CDK6: variants seen among roughly 807,000 people sequenced by gnomAD.
CDK6 encodes cyclin dependent kinase 6, also known as cyclin-dependent kinase 6.
Under a neutral mutation model 37.1 loss-of-function variants are expected in CDK6, and 6 were observed. The ratio of observed to expected loss-of-function variants is 0.16; its 90% CI spans 0.09 to 0.32. CDK6 has a LOEUF of 0.32. Ranked by LOEUF, CDK6 falls within the 10% of genes least tolerant of loss-of-function variation. CDK6 has a pLI of 1.00. For synonymous variants in CDK6, 160 were observed against 161.3 expected (o/e 0.99, Z 0.06); for missense variants, 224 against 418.9 (o/e 0.53, Z 4.06).
At chr7:92,677,491 C>T (rs1030640712) in intron 4 of CDK6, among the ~76,000 whole-genome samples, 4 of 151,974 alleles carry the variant, frequency 2.6e-5, no homozygotes, top group Non-Finnish European at 5.9e-5. Flanking sequence ...TGGTGGCACA[C>T]GCCTGTAATC....
intron 3 of CDK6, among the ~76,000 whole-genome samples, chr7:92,747,669 C>T (rs1256844721): frequency 6.6e-6 from 1 of 152,170 alleles, no homozygotes; most frequent in Non-Finnish European, 1.5e-5. Flanking sequence ...TTATTTTTCC[C>T]TCTTCTGAAT....
intron 2 of CDK6, among the ~76,000 whole-genome samples, chr7:92,830,762 T>C (rs77202287): frequency 2.0e-5 from 3 of 152,294 alleles, no homozygotes; most frequent in Non-Finnish European, 4.4e-5. Context: ...GGTGACATCA[T>C]CAATAATTTC....
intron 2 of CDK6, among the ~76,000 whole-genome samples, chr7:92,801,448 G>A (rs1383783797): frequency 6.6e-6 from 1 of 152,152 alleles, no homozygotes; most frequent in East Asian, 1.9e-4. Flanking sequence ...GAATTTTAAA[G>A]CTAGAGGTCA....
At chr7:92,638,886 G>A (rs1796237705) in intron 5 of CDK6, among the ~76,000 whole-genome samples, 1 of 152,138 alleles carries the variant, frequency 6.6e-6, no homozygotes, top group Non-Finnish European at 1.5e-5. Context: ...CCAGTTGACT[G>A]CAATTCACAT....
chr7:92,774,642 T>G lies in CDK6; in HGVS notation c.369+54A>C. 2.7e-6 allele frequency: 4 copies of G among 1,467,252 alleles called. 1 individual carries two copies. In the South Asian group the frequency reaches 5.7e-5, roughly 21 times the overall value. 90.9% of individuals were successfully genotyped at this position (1,467,252 alleles called of 1,614,324 possible). On this transcript the variant is annotated intron_variant, in intron 3 of 7. Coordinates refer to ENST00000424848, the MANE Select transcript of CDK6 (RefSeq NM_001145306.2). Reference sequence around the variant, plus strand: ...TTCATAAGGAAAGAAAGCCATTGCTTAACAGACTATAATAGTCGACTGCCT... The same window carrying G: ...TTCATAAGGAAAGAAAGCCATTGCTGAACAGACTATAATAGTCGACTGCCT...
chr7:92,809,629 G>A lies in CDK6; in HGVS notation c.233+23462C>T, dbSNP rs556940396. ...GACTGCTCTTACTTGAGAGGTAAGGGTATATTTATTTATAGTCCAGGGTCA... is the reference window on the plus strand; with the variant it reads ...GACTGCTCTTACTTGAGAGGTAAGGATATATTTATTTATAGTCCAGGGTCA... On this transcript the variant is annotated intron_variant, in intron 2 of 7. Coordinates refer to ENST00000424848, the MANE Select transcript of CDK6 (RefSeq NM_001145306.2). Among the ~76,000 whole-genome samples, 7 of 152,286 alleles carry A rather than the reference G, an allele frequency of 4.6e-5. No individual in the cohort carries two copies. The South Asian group carries it at 6.2e-4, about 14-fold the overall frequency.
intron 3 of CDK6, among the ~76,000 whole-genome samples, chr7:92,767,638 T>C (rs1410761043): frequency 1.3e-5 from 2 of 152,148 alleles, no homozygotes; most frequent in Non-Finnish European, 2.9e-5. Flanking sequence ...AGTGGTCAGC[T>C]GCTGGCACTG....
chr7:92,638,779 C>T (rs543710007), intron 5 of CDK6, among the ~76,000 whole-genome samples: 2 of 152,074 alleles, frequency 1.3e-5, no homozygotes, highest in African/African-American at 4.8e-5. Flanking sequence ...CTTTTGACCC[C>T]CCCAGAGTTA....
At chr7:92,645,745 TC>T (rs2116545679) in intron 5 of CDK6, among the ~76,000 whole-genome samples, 1 of 152,322 alleles carries the variant, frequency 6.6e-6, no homozygotes, top group East Asian at 1.9e-4. Flanking sequence ...GGCTCTCACT[TC>T]CCTTTCATCT....
chr7:92,783,605 C>A (rs1800051115), intron 2 of CDK6, among the ~76,000 whole-genome samples: 1 of 152,152 alleles, frequency 6.6e-6, no homozygotes, highest in African/African-American at 2.4e-5. Context: ...ATAGACCTGG[C>A]ACTGTGGCTC....
chr7:92,750,193 C>A (rs1432112826), intron 3 of CDK6, among the ~76,000 whole-genome samples: 1 of 151,998 alleles, frequency 6.6e-6, no homozygotes, highest in Non-Finnish European at 1.5e-5. Context: ...GAAAGTCCAC[C>A]GAACTAGAAT....
At chr7:92,734,232 T>C (rs2115596932) in intron 3 of CDK6, among the ~76,000 whole-genome samples, 1 of 152,310 alleles carries the variant, frequency 6.6e-6, no homozygotes, top group Middle Eastern at 3.4e-3. Context: ...TTCCTACACC[T>C]CTGAGGCTCC....
At chr7:92,822,493 A>G (rs866121976) in intron 2 of CDK6, among the ~76,000 whole-genome samples, 2 of 152,154 alleles carry the variant, frequency 1.3e-5, no homozygotes, top group African/African-American at 4.8e-5. Context: ...CTGTGAAAAC[A>G]GTAATCTTGA....
At chr7:92,740,025 T>C (rs1798881235) in intron 3 of CDK6, among the ~76,000 whole-genome samples, 2 of 152,176 alleles carry the variant, frequency 1.3e-5, no homozygotes, top group East Asian at 1.9e-4. Context: ...CCCACAGCAC[T>C]GGGATTACAG....
intron 4 of CDK6, among the ~76,000 whole-genome samples, chr7:92,704,245 T>C (rs1797919736): frequency 6.6e-6 from 1 of 152,186 alleles, no homozygotes; most frequent in African/African-American, 2.4e-5. Context: ...AGATTTTATA[T>C]ATATCATTAA....
chr7:92,798,561 A>G (rs940451144), intron 2 of CDK6, among the ~76,000 whole-genome samples: 1 of 152,222 alleles, frequency 6.6e-6, no homozygotes, highest in Admixed American at 6.5e-5. Context: ...TACTTTTTAT[A>G]AAATGTCACC....
intron 5 of CDK6, among the ~76,000 whole-genome samples, chr7:92,665,020 C>T (rs1269693999): frequency 3.3e-5 from 5 of 152,086 alleles, no homozygotes; most frequent in Admixed American, 1.3e-4. Flanking sequence ...CTCCTGACCT[C>T]GTGATCCACC....
At chr7:92,641,133 G>T (rs1562921115) in intron 5 of CDK6, among the ~76,000 whole-genome samples, 1 of 152,058 alleles carries the variant, frequency 6.6e-6, no homozygotes, top group African/African-American at 2.4e-5. Flanking sequence ...CTGGTTTATG[G>T]TTTATTTTTC....
chr7:92,834,521 C>A lies in CDK6; in HGVS notation c.-367-831G>T, dbSNP rs1801592357. Among the ~76,000 whole-genome samples the A allele has an allele frequency of 6.6e-6, 1 of 151,832 alleles. No individual in the cohort carries two copies. ...CTGGGGGAGGGGAGACACCGTCCCCCACGGGATCCCAAGGGTGGGAGAAAG... is the reference window on the plus strand; with the variant it reads ...CTGGGGGAGGGGAGACACCGTCCCCAACGGGATCCCAAGGGTGGGAGAAAG... On this transcript the variant is annotated intron_variant, in intron 1 of 7. Coordinates refer to ENST00000424848, the MANE Select transcript of CDK6 (RefSeq NM_001145306.2). This position sits in a 1 kb window ranked among gnomAD's most constrained non-coding sequence, Gnocchi z 4.6.
Sources: gnomAD v4.1 joint callset for allele counts (sites outside exome capture counted in the v4.1 genomes callset) on GRCh38, gnomAD v4.1.1 for gene constraint, Gnocchi (gnomAD v3.1) non-coding constraint, MANE v1.5 for transcripts, NCBI Gene and HGNC (gene_info 2026-07-23, HGNC 2026-07-21) for gene names.